The following IL18R1 variants were observed in gnomAD, a reference collection of about 807,000 sequenced individuals.
IL18R1 encodes the protein interleukin 18 receptor 1.
Under a neutral mutation model 48.5 loss-of-function variants are expected in IL18R1, and 40 were observed. The observed-to-expected ratio is 0.82, with a 90% CI of 0.64 to 1.07. The LOEUF is 1.07. Ranked by LOEUF, IL18R1 falls within the 50% of genes least tolerant of loss-of-function variation. The pLI, the probability that IL18R1 is intolerant of heterozygous loss-of-function variation, is 0.00. For synonymous variants in IL18R1, 232 were observed against 225.9 expected (o/e 1.03, Z -0.24); for missense variants, 596 against 633.7 (o/e 0.94, Z 0.64).
chr2:102,363,657 G>A (rs1274180918), intron 2 of IL18R1, among the ~76,000 whole-genome samples: 3 of 151,862 alleles, frequency 2.0e-5, no homozygotes, highest in Non-Finnish European at 4.4e-5. Context: ...CATGTTTCAG[G>A]CACAGAAACA....
chr2:102,373,241 T>G (rs1679372938), intron 4 of IL18R1, among the ~76,000 whole-genome samples: 1 of 152,186 alleles, frequency 6.6e-6, no homozygotes, highest in South Asian at 2.1e-4. Flanking sequence ...ACCTGTTGAA[T>G]TTTAAAAGCT....
intron 5 of IL18R1, among the ~76,000 whole-genome samples, chr2:102,376,505 A>T (rs1188143234): frequency 6.6e-6 from 1 of 152,234 alleles, no homozygotes; most frequent in Non-Finnish European, 1.5e-5. Flanking sequence ...AATAAGCTAC[A>T]TAAAGGTGTA....
chr2:102,379,165 C>T (rs781292173), intron 5 of IL18R1, among the ~76,000 whole-genome samples: 6 of 152,100 alleles, frequency 3.9e-5, no homozygotes, highest in East Asian at 1.9e-4. Flanking sequence ...ACCCTGGGGC[C>T]GGGTGTGGTG....
Position 102,364,536 on chromosome 2 carries a change from T to A in IL18R1, c.58+1818T>A, listed in dbSNP as rs530600557. Among the ~76,000 whole-genome samples, 9 of 152,350 alleles carry A rather than the reference T, an allele frequency of 5.9e-5. No individual in the cohort carries two copies. The South Asian group carries it at 1.9e-3, about 32-fold the overall frequency. ...ATGTCAATTGAAGCTGACACCCACA[T>A]ATACACATGTATCACACCTTCTATG... On this transcript the variant is annotated intron_variant, in intron 2 of 10. Transcript: ENST00000233957.
chr2:102,380,608 G>A (rs973186048), intron 5 of IL18R1, among the ~76,000 whole-genome samples: 1 of 152,144 alleles, frequency 6.6e-6, no homozygotes. Flanking sequence ...CACTGTGCTG[G>A]TTTCATTCTC....
At chr2:102,384,751 T>C in intron 6 of IL18R1, 127 bp from the exon 7 acceptor site, 4 of 986,458 alleles carry the variant, frequency 4.1e-6, no homozygotes, top group Non-Finnish European at 6.0e-6. Flanking sequence ...GCAAGGCATA[T>C]TTATTCTCTT....
intron 8 of IL18R1, among the ~76,000 whole-genome samples, chr2:102,387,513 T>C (rs114696516): frequency 1.3e-5 from 2 of 152,206 alleles, no homozygotes; most frequent in East Asian, 3.9e-4. Flanking sequence ...CTTAAAGTTT[T>C]TCAGTGCTCA....
At chr2:102,396,227 T>C (rs778240378) in intron 10 of IL18R1, among the ~76,000 whole-genome samples, 5 of 152,178 alleles carry the variant, frequency 3.3e-5, no homozygotes, top group Admixed American at 6.5e-5. Flanking sequence ...CTTCCTTGTT[T>C]GTTAAATGGA....
At chr2:102,360,902 T>C (rs953569654) in intron 1 of IL18R1, among the ~76,000 whole-genome samples, 1 of 152,228 alleles carries the variant, frequency 6.6e-6, no homozygotes, top group Non-Finnish European at 1.5e-5. Context: ...GAATTCATTA[T>C]TTAATATAAC....
intron 9 of IL18R1, 125 bp from the exon 10 acceptor site, chr2:102,394,344 A>G (rs1321524236): frequency 7.3e-6 from 5 of 682,062 alleles, no homozygotes; most frequent in Middle Eastern, 7.2e-4. Flanking sequence ...TTAAATATAA[A>G]CAACTTTATA....
At chr2:102,391,493 G>A (rs1680567588) in intron 9 of IL18R1, among the ~76,000 whole-genome samples, 1 of 152,170 alleles carries the variant, frequency 6.6e-6, no homozygotes, top group South Asian at 2.1e-4. Flanking sequence ...GTCTCCTTTT[G>A]ATGGACATTT....
At chr2:102,365,341 G>A (rs1661658069) in intron 2 of IL18R1, among the ~76,000 whole-genome samples, 2 of 152,306 alleles carry the variant, frequency 1.3e-5, no homozygotes, top group African/African-American at 4.8e-5. Flanking sequence ...AATTTAATAG[G>A]GCAGTCATTA....
At chr2:102,396,402 T>C (rs901367624) in intron 10 of IL18R1, 129 bp from the exon 11 acceptor site, 5 of 554,192 alleles carry the variant, frequency 9.0e-6, no homozygotes, top group Non-Finnish European at 1.6e-5. Flanking sequence ...GAACAAATGG[T>C]TTGTCTTAAA....
Position 102,375,901 on chromosome 2 carries a change from A to G in IL18R1, c.469-6A>G. The G allele has an allele frequency of 6.4e-7, 1 of 1,554,460 alleles. No homozygotes were observed. The highest frequency in any genetic ancestry group is 8.6e-7 in the Non-Finnish European group (1 of 1,156,828). On this transcript the variant is annotated splice_region_variant and splice_polypyrimidine_tract_variant and intron_variant, in intron 4 of 10. Transcript: ENST00000233957. ...AAAGTATTTTAACTTGTTTTATTAA[A>G]AACAGAACTGTAAAAAGCTACTACT... is the stretch of plus-strand genomic sequence containing the variant.
At chr2:102,366,806 A>G (rs140469255) in intron 2 of IL18R1, among the ~76,000 whole-genome samples, 2 of 152,330 alleles carry the variant, frequency 1.3e-5, no homozygotes, top group East Asian at 1.9e-4. Flanking sequence ...GACTGCCCCC[A>G]TGATTAAATT....
At chr2:102,382,283 T>C (rs1159147853) in intron 6 of IL18R1, among the ~76,000 whole-genome samples, 5 of 151,886 alleles carry the variant, frequency 3.3e-5, no homozygotes, top group Non-Finnish European at 7.4e-5. Context: ...AAAATAATAA[T>C]AATAATAACA....
intron 1 of IL18R1, among the ~76,000 whole-genome samples, chr2:102,357,071 A>C (rs2105015345): frequency 6.6e-6 from 1 of 152,294 alleles, no homozygotes; most frequent in African/African-American, 2.4e-5. Flanking sequence ...TTGGGAGCAC[A>C]CCTCTCAACC....
At chr2:102,360,353 T>G (rs1255178119) in intron 1 of IL18R1, among the ~76,000 whole-genome samples, 1 of 152,052 alleles carries the variant, frequency 6.6e-6, no homozygotes, top group Non-Finnish European at 1.5e-5. Flanking sequence ...AAGCTCCGCC[T>G]CCCGGATTCA....
At chr2:102,387,595 G>A (rs576202361) in intron 8 of IL18R1, among the ~76,000 whole-genome samples, 1 of 152,360 alleles carries the variant, frequency 6.6e-6, no homozygotes, top group Non-Finnish European at 1.5e-5. Flanking sequence ...CTTCAGCCCA[G>A]TAGCTGCTCA....
Sources: gnomAD v4.1 joint callset for allele counts (sites outside exome capture counted in the v4.1 genomes callset) on GRCh38, gnomAD v4.1.1 for gene constraint, MANE v1.5 for transcripts, NCBI Gene and HGNC (gene_info 2026-07-23, HGNC 2026-07-21) for gene names.